Variants in R3HDM2 observed in about 807,000 individuals in gnomAD.
R3HDM2 encodes R3H domain-containing protein 2.
R3HDM2 carries 38 observed loss-of-function variants against 124.5 expected under a neutral mutation model. The observed-to-expected ratio is 0.31, with a 90% confidence interval of 0.24 to 0.40. The LOEUF (loss-of-function observed/expected upper bound fraction) is 0.40, where lower values mean the gene tolerates loss of function less well. Ranked by LOEUF, R3HDM2 falls within the 10% of genes least tolerant of loss-of-function variation. The pLI is 1.00. For synonymous variants in R3HDM2, 391 were observed against 448.0 expected, an observed-to-expected ratio of 0.87 and a Z score of 1.61; for missense variants, 869 against 1,236.9, an observed-to-expected ratio of 0.70 and a Z score of 4.46.
At chr12:57,298,831 C>T (rs144213114) in intron 6 of R3HDM2, among the ~76,000 whole-genome samples, 1 of 152,052 alleles carries the variant, frequency 6.6e-6, no homozygotes, top group East Asian at 1.9e-4. Context: ...GGTGTGGTGG[C>T]ATGTGCCTGT....
intron 1 of R3HDM2, among the ~76,000 whole-genome samples, chr12:57,425,751 T>G (rs1159739983): frequency 6.6e-6 from 1 of 151,936 alleles, no homozygotes; most frequent in African/African-American, 2.4e-5. Flanking sequence ...TGAGCTGAAA[T>G]CAGGACACTG....
At chr12:57,428,845 C>G (rs1868768375) in intron 1 of R3HDM2, among the ~76,000 whole-genome samples, 1 of 151,314 alleles carries the variant, frequency 6.6e-6, no homozygotes, top group Non-Finnish European at 1.5e-5. Flanking sequence ...CTCCTGGGTT[C>G]AAATGATTCT....
chr12:57,308,547 G>A (rs562087930), intron 3 of R3HDM2, among the ~76,000 whole-genome samples: 35 of 151,776 alleles, frequency 2.3e-4, no homozygotes, highest in Non-Finnish European at 4.3e-4. Flanking sequence ...TTAGCCGGGT[G>A]TCGTGGCGGG....
chr12:57,367,051 C>G (rs1158894877), intron 2 of R3HDM2, among the ~76,000 whole-genome samples: 1 of 152,164 alleles, frequency 6.6e-6, no homozygotes, highest in Non-Finnish European at 1.5e-5. Flanking sequence ...TGCTTTTATG[C>G]TTTATTAGGC....
At chr12:57,341,364 A>G in intron 2 of R3HDM2, 1 of 964,738 alleles carries the variant, frequency 1.0e-6, no homozygotes, top group Non-Finnish European at 1.2e-6. Context: ...ACCAACATCA[A>G]GTCACAGAAG....
chr12:57,307,157 T>C (rs1450463082), intron 3 of R3HDM2, among the ~76,000 whole-genome samples: 5 of 152,232 alleles, frequency 3.3e-5, no homozygotes, highest in African/African-American at 1.2e-4. Flanking sequence ...CAAGGACATA[T>C]CTCACACATT....
Position 57,255,039 on chromosome 12 carries a change from G to A in R3HDM2, c.2707C>T (p.Gln903Ter). Residue 903 changes from glutamine (Q) to a stop codon, truncating the protein, a stop_gained, in exon 24 of 24, where the codon CAG becomes TAG. Transcript: ENST00000402412. LOFTEE classifies it high-confidence loss of function. ...ATCTTGGCGCCAGACATGGCGAGCT[G>A]CGTGAAGAGTTTGTCCGCCTCAGTA... ...TRTEADKLFTQLAMSGAKIQW... is the reference protein window; with the variant it reads ...TRTEADKLFT 1 of 1,613,840 alleles carries A rather than the reference G, an allele frequency of 6.2e-7. No homozygotes were observed. Among genetic ancestry groups the A allele is most frequent in the Non-Finnish European group, 8.5e-7 (1 of 1,179,984 alleles).
chr12:57,399,647 T>A (rs1206683726), intron 1 of R3HDM2, among the ~76,000 whole-genome samples: 2 of 152,178 alleles, frequency 1.3e-5, no homozygotes, highest in Non-Finnish European at 2.9e-5. Flanking sequence ...AGAAGCAGCA[T>A]AGCCTCTAGT....
chr12:57,324,293 C>T (rs1463129812), intron 2 of R3HDM2, among the ~76,000 whole-genome samples: 1 of 152,156 alleles, frequency 6.6e-6, no homozygotes. Context: ...AAGCAATTCT[C>T]CTGCCTCAGC....
chr12:57,320,261 CAAAAAAAAAAA>C (rs56207989), intron 2 of R3HDM2, among the ~76,000 whole-genome samples: 444 of 14,324 alleles, frequency 0.031, 26 homozygotes, highest in African/African-American at 0.087. Context: ...AACTCTATCT[CAAAAAAAAAAA>C]AAAAAAAAAA....
intron 14 of R3HDM2, among the ~76,000 whole-genome samples, chr12:57,275,515 A>AC (rs1265139670): frequency 5.9e-5 from 9 of 151,908 alleles, no homozygotes; most frequent in African/African-American, 1.9e-4. Context: ...AAAAAAAAAA[A>AC]AAACAGCAGA....
chr12:57,317,986 CCCAA>C (rs1566122044), intron 2 of R3HDM2, among the ~76,000 whole-genome samples: 1 of 52,088 alleles, frequency 1.9e-5, no homozygotes, highest in Non-Finnish European at 5.6e-5. Flanking sequence ...TCCCCGCCCC[CCCAA>C]AAAAAAAAAA....
intron 1 of R3HDM2, among the ~76,000 whole-genome samples, chr12:57,422,897 G>T (rs138304815): frequency 6.6e-6 from 1 of 152,102 alleles, no homozygotes; most frequent in Non-Finnish European, 1.5e-5. Flanking sequence ...AGCCCAGGAG[G>T]TGGAGACAGC....
rs1219305484 is a variant in R3HDM2 at position 57,272,624 on chromosome 12, G to C, written c.1345-2630C>G. The C allele has an allele frequency of 1.9e-5, 3 of 156,436 alleles. No individual in the cohort carries two copies. The African/African-American group carries it at 7.8e-4, about 41-fold the overall frequency. 9.7% of individuals were successfully genotyped at this position (156,436 alleles called of 1,614,324 possible). On this transcript the variant is annotated intron_variant, in intron 14 of 23. Transcript: ENST00000402412. ...GAGGTGGGAAGCGGGGGGTGGGGTG[G>C]GGGGGGGGTGCGGGCAGAGATGGGG... is the stretch of plus-strand genomic sequence containing the variant.
At chr12:57,368,665 A>C (rs1396473089) in intron 2 of R3HDM2, among the ~76,000 whole-genome samples, 6 of 152,180 alleles carry the variant, frequency 3.9e-5, no homozygotes, top group Admixed American at 3.9e-4. Flanking sequence ...CACCACTGAC[A>C]GGAGGAGTTA....
intron 2 of R3HDM2, among the ~76,000 whole-genome samples, chr12:57,316,582 CTTTT>C (rs761496804): frequency 1.0e-5 from 1 of 100,114 alleles, no homozygotes; most frequent in Non-Finnish European, 2.0e-5. Flanking sequence ...TGCATCCATC[CTTTT>C]TTTTTTTTTT....
In R3HDM2 at chr12:57,430,446, T is replaced by A. The variant is rs186634435; in HGVS notation, c.-106+274A>T. The A allele has an allele frequency of 1.4e-3, 1,272 of 901,772 alleles. 2 individuals are homozygous for A. The highest frequency in any genetic ancestry group is 1.5e-3 in the Non-Finnish European group (1,159 of 753,662). The allele number at this position is 901,772 out of a possible 1,614,324, so 55.9% of individuals were successfully genotyped here. On this transcript the variant is annotated intron_variant, in intron 1 of 23. Transcript: ENST00000402412. ...CGAAGCACTGGAAGGGCGCAATAGT[T>A]TTTAGGTCACCCCGCAAAGGCCACA...
At chr12:57,348,448 C>G (rs1259296963) in intron 2 of R3HDM2, among the ~76,000 whole-genome samples, 2 of 151,946 alleles carry the variant, frequency 1.3e-5, no homozygotes, top group African/African-American at 4.8e-5. Context: ...AAACCCAGCA[C>G]TTTGGGAGGC....
At chr12:57,316,020 C>T (rs933103054) in intron 2 of R3HDM2, among the ~76,000 whole-genome samples, 11 of 152,142 alleles carry the variant, frequency 7.2e-5, no homozygotes, top group African/African-American at 2.4e-4. Flanking sequence ...TTAGTTGAGC[C>T]TGGGAGGCAG....
Sources: gnomAD v4.1 joint callset for allele counts (sites outside exome capture counted in the v4.1 genomes callset) on GRCh38, gnomAD v4.1.1 for gene constraint, MANE v1.5 for transcripts, NCBI Gene and HGNC (gene_info 2026-07-23, HGNC 2026-07-21) for gene names.